The following CKAP5 variants were observed in gnomAD, a reference collection of about 807,000 sequenced individuals.
CKAP5 encodes the protein cytoskeleton associated protein 5.
In CKAP5, 27 loss-of-function variants were observed where a neutral mutation model predicts 232.8. The observed-to-expected ratio is 0.12, with a 90% confidence interval of 0.09 to 0.16. The LOEUF (loss-of-function observed/expected upper bound fraction) is 0.16. Among genes scored for constraint, CKAP5 ranks in the 10% least tolerant of loss-of-function variants. CKAP5 has a pLI of 1.00. For missense variants in CKAP5, 1,838 were observed against 2,424.7 expected, an observed-to-expected ratio of 0.76 and a Z score of 5.08; for synonymous variants, 785 against 841.1, an observed-to-expected ratio of 0.93 and a Z score of 1.16.
intron 1 of CKAP5, among the ~76,000 whole-genome samples, chr11:46,832,849 CAA>C (rs1939823786): frequency 6.6e-6 from 1 of 151,872 alleles, no homozygotes; most frequent in Non-Finnish European, 1.5e-5. Context: ...CTCAGTTACT[CAA>C]GAGGCTGAGG....
intron 8 of CKAP5, among the ~76,000 whole-genome samples, chr11:46,801,825 G>A (rs896985815): frequency 2.0e-4 from 30 of 152,122 alleles, no homozygotes; most frequent in African/African-American, 6.8e-4. Context: ...ATAAAACATA[G>A]ATAAAACCAC....
intron 9 of CKAP5, 86 bp downstream of exon 9, chr11:46,801,114 G>T: frequency 1.2e-6 from 1 of 848,232 alleles, no homozygotes; most frequent in Non-Finnish European, 2.0e-6. Flanking sequence ...TCTATGCCAA[G>T]GAGTTGTTTT....
chr11:46,836,390 A>G (rs1401168222), intron 1 of CKAP5, among the ~76,000 whole-genome samples: 2 of 152,246 alleles, frequency 1.3e-5, no homozygotes, highest in Non-Finnish European at 2.9e-5. Context: ...CAAAAAAGGT[A>G]ATGTCGTGAA....
At chr11:46,794,067 G>A (rs1370768535) in intron 13 of CKAP5, among the ~76,000 whole-genome samples, 1 of 152,188 alleles carries the variant, frequency 6.6e-6, no homozygotes, top group Non-Finnish European at 1.5e-5. Flanking sequence ...CATGCAAAAA[G>A]AATGAAGTTG....
chr11:46,767,211 G>C (rs925415049), intron 27 of CKAP5, among the ~76,000 whole-genome samples: 2 of 152,078 alleles, frequency 1.3e-5, no homozygotes, highest in Non-Finnish European at 2.9e-5. Context: ...GGAGAGACAG[G>C]GTTTCGCTAT....
chr11:46,836,488 G>A (rs1939921101), intron 1 of CKAP5, among the ~76,000 whole-genome samples: 1 of 152,110 alleles, frequency 6.6e-6, no homozygotes, highest in Non-Finnish European at 1.5e-5. Context: ...TGAGATGGGA[G>A]GATTGCTTGA....
At chr11:46,769,335 C>G (rs186852770) in intron 26 of CKAP5, among the ~76,000 whole-genome samples, 193 of 152,282 alleles carry the variant, frequency 1.3e-3, no homozygotes, top group South Asian at 2.3e-3. Flanking sequence ...TATCCAGGAG[C>G]AGAAAATAGT....
rs773132498 is a variant in CKAP5 at position 46,776,358 on chromosome 11, G to A, written c.2888C>T (p.Ala963Val). 66 of 1,612,458 alleles carry A rather than the reference G, an allele frequency of 4.1e-5. No individual in the cohort carries two copies. Among genetic ancestry groups the A allele is most frequent in the Admixed American group, 6.7e-5 (4 of 59,700 alleles). The change falls in exon 24 of 44, where the codon GCG (alanine) becomes GTG (valine). Residue 963 changes from alanine to valine, a missense_variant. Transcript: ENST00000529230. ...SKNNVRAAAL[A>V]TVNAWAEQTG... ...CTGTTCTGCCCAAGCATTCACAGTCGCTAGGGCAGCAGCTCGAACATTGTT... is the reference window on the plus strand; with the variant it reads ...CTGTTCTGCCCAAGCATTCACAGTCACTAGGGCAGCAGCTCGAACATTGTT...
At chr11:46,760,495 ACT>A (rs1204359744) in intron 33 of CKAP5, 115 bp downstream of exon 33, 3 of 944,978 alleles carry the variant, frequency 3.2e-6, no homozygotes, top group South Asian at 1.5e-5. Context: ...TTACCCAGAC[ACT>A]CTGTCATGCA....
At chr11:46,783,467 C>T (rs992661186) in intron 17 of CKAP5, 99 bp from the exon 18 acceptor site, 13 of 680,898 alleles carry the variant, frequency 1.9e-5, no homozygotes, top group Non-Finnish European at 2.5e-5. Context: ...AGTTTTCTGA[C>T]GCTAAAACAA....
intron 23 of CKAP5, among the ~76,000 whole-genome samples, chr11:46,776,784 C>T (rs2065294686): frequency 6.6e-6 from 1 of 151,962 alleles, no homozygotes; most frequent in Non-Finnish European, 1.5e-5. Flanking sequence ...AATAAATTGA[C>T]TGAAAATTAG....
chr11:46,788,683 G>C lies in CKAP5; in HGVS notation c.1966C>G (p.Gln656Glu). The C allele has an allele frequency of 6.3e-7, 1 of 1,578,536 alleles. No homozygotes were observed. The highest frequency in any genetic ancestry group is 8.7e-7 in the Non-Finnish European group (1 of 1,148,946). ...TCAAATCTCACATTTTAAAATACCT[G>C]AAAATTAGTTTCTTTCCATCCAGGT... ...KKPGWKETNF[Q>E]VMQMKLHIVA... The change falls in exon 16 of 44, where the codon CAG (glutamine) becomes GAG (glutamate). Residue 656 changes from glutamine to glutamate, a missense_variant and splice_region_variant. Physicochemically the swap from Gln to Glu is conservative, Grantham distance 29. Coordinates refer to ENST00000529230, the MANE Select transcript of CKAP5 (RefSeq NM_001008938.4).
chr11:46,836,262 A>G (rs1471412427), intron 1 of CKAP5, among the ~76,000 whole-genome samples: 1 of 152,232 alleles, frequency 6.6e-6, no homozygotes, highest in East Asian at 1.9e-4. Flanking sequence ...ACTGGGTGAG[A>G]GGTATGCAGG....
At chr11:46,788,849 G>A in intron 15 of CKAP5, 76 bp from the exon 16 acceptor site, 1 of 1,021,314 alleles carries the variant, frequency 9.8e-7, no homozygotes, top group Non-Finnish European at 1.5e-6. Flanking sequence ...CCAAAGTCAA[G>A]TAAGTGGTTA....
At chr11:46,819,368 GGA>G (rs2134688333) in intron 2 of CKAP5, among the ~76,000 whole-genome samples, 1 of 152,206 alleles carries the variant, frequency 6.6e-6, no homozygotes, top group South Asian at 2.1e-4. Flanking sequence ...AAAGTAAGCT[GGA>G]GAGGATTGGA....
At chr11:46,767,316 G>A (rs1006033094) in intron 27 of CKAP5, among the ~76,000 whole-genome samples, 10 of 152,112 alleles carry the variant, frequency 6.6e-5, no homozygotes, top group African/African-American at 1.9e-4. Flanking sequence ...CACTGTGCCC[G>A]GCCCTTTCTT....
Position 46,744,574 on chromosome 11 carries a change from A to T in CKAP5, c.5708T>A (p.Ile1903Asn), listed in dbSNP as rs773294957. The T allele has an allele frequency of 1.3e-5, 21 of 1,613,822 alleles. No individual in the cohort carries two copies. Among genetic ancestry groups the T allele is most frequent in the Non-Finnish European group, 1.6e-5 (19 of 1,179,882 alleles). Reference protein sequence around the residue: ...GKGRISTSTGISPQMEVTCVP... With the variant: ...GKGRISTSTGNSPQMEVTCVP... ...ACATGTGACTTCCATCTGAGGGGAG[A>T]TGCCTAGAGGGGAAAAAGTAGAAAG... The change falls in exon 43 of 44, where the codon ATC becomes AAC. Residue 1903 changes from isoleucine (I) to asparagine (N), a missense_variant. By Grantham distance (149) the Ile-to-Asn change is moderately radical. Transcript: ENST00000529230.
chr11:46,769,927 T>C (rs754990991), intron 26 of CKAP5, 36 bp downstream of exon 26: 1 of 1,611,566 alleles, frequency 6.2e-7, no homozygotes, highest in Non-Finnish European at 8.5e-7. Context: ...CTCAGGGCTA[T>C]TTCCTTCCCC....
In CKAP5 at chr11:46,784,647, A is replaced by G; in HGVS notation, c.1995T>C (p.Val665=). ...FQVMQMKLHI[V]ALIAQKGNFS... ...AATTTCCCTTCTGGGCAATCAAAGC[A>G]ACTATATGAAGCTTCATTTGCATCA... The change falls in exon 17 of 44, where the codon GTT becomes GTC. Residue 665 remains valine, a synonymous_variant. Coordinates refer to ENST00000529230, the MANE Select transcript of CKAP5 (RefSeq NM_001008938.4). 6.2e-7 allele frequency: 1 copy of G among 1,614,088 alleles called. No homozygotes were observed. Among genetic ancestry groups the G allele is most frequent in the Non-Finnish European group, 8.5e-7 (1 of 1,179,944 alleles).
Sources: allele counts gnomAD v4.1 joint callset (sites outside exome capture counted in the v4.1 genomes callset), GRCh38; gene constraint gnomAD v4.1.1; transcripts MANE v1.5; gene names NCBI Gene and HGNC (gene_info 2026-07-23, HGNC 2026-07-21).